NUP35: variants seen among roughly 807,000 people sequenced by gnomAD.
NUP35 encodes the protein nucleoporin 35.
Under a neutral mutation model 41.5 loss-of-function variants are expected in NUP35, and 25 were observed. The ratio of observed to expected loss-of-function variants is 0.60; its 90% CI spans 0.44 to 0.84. The LOEUF (loss-of-function observed/expected upper bound fraction) is 0.84. Among genes scored for constraint, NUP35 ranks in the 40% least tolerant of loss-of-function variants. The pLI is 0.00. For missense variants in NUP35, 396 were observed against 396.6 expected, an observed-to-expected ratio of 1.00 and a Z score of 0.01; for synonymous variants, 149 against 130.7, an observed-to-expected ratio of 1.14 and a Z score of -0.96.
intron 4 of NUP35, among the ~76,000 whole-genome samples, chr2:183,139,784 T>TA (rs1462537471): frequency 6.6e-6 from 1 of 152,210 alleles, no homozygotes; most frequent in African/African-American, 2.4e-5. Context: ...GATCCTTCCT[T>TA]AGAGTCTGCA....
chr2:183,158,202 ATG>A (rs2105620459), intron 6 of NUP35, 79 bp from the exon 7 acceptor site: 1 of 1,055,796 alleles, frequency 9.5e-7, no homozygotes, highest in African/African-American at 1.6e-5. Flanking sequence ...TTATCTTACC[ATG>A]TTCCTATTTT....
At chr2:183,140,822 C>CAAAAAA (rs34256493) in intron 4 of NUP35, among the ~76,000 whole-genome samples, 1 of 89,544 alleles carries the variant, frequency 1.1e-5, no homozygotes, top group African/African-American at 4.1e-5. Context: ...AAACTCCATT[C>CAAAAAA]AAAAAAAAAA....
At chr2:183,125,162 C>T (rs1243563455) in intron 1 of NUP35, among the ~76,000 whole-genome samples, 1 of 151,816 alleles carries the variant, frequency 6.6e-6, no homozygotes, top group African/African-American at 2.4e-5. Flanking sequence ...GTATTTTTCT[C>T]TAGTAAGTCA....
intron 5 of NUP35, among the ~76,000 whole-genome samples, chr2:183,154,343 GT>G (rs1685574672): frequency 6.6e-6 from 1 of 152,142 alleles, no homozygotes; most frequent in South Asian, 2.1e-4. Flanking sequence ...TTTCTACTGC[GT>G]TGTCAGGCTG....
chr2:183,141,393 A>C (rs1180588736), intron 4 of NUP35, among the ~76,000 whole-genome samples: 1 of 152,192 alleles, frequency 6.6e-6, no homozygotes, highest in Non-Finnish European at 1.5e-5. Flanking sequence ...GTTATCTTGG[A>C]GGGCTGTCAT....
chr2:183,157,210 A>T (rs1401702503), intron 5 of NUP35, among the ~76,000 whole-genome samples: 1 of 152,216 alleles, frequency 6.6e-6, no homozygotes, highest in African/African-American at 2.4e-5. Context: ...TTTCAGAGGT[A>T]GAATCTGAGG....
chr2:183,153,551 T>C (rs1437747029), intron 5 of NUP35, among the ~76,000 whole-genome samples: 1 of 152,138 alleles, frequency 6.6e-6, no homozygotes, highest in Non-Finnish European at 1.5e-5. Flanking sequence ...CAGTCAAATT[T>C]TAAAGCTCCA....
chr2:183,137,666 G>A (rs1684923567), intron 4 of NUP35, among the ~76,000 whole-genome samples: 1 of 152,046 alleles, frequency 6.6e-6, no homozygotes, highest in Admixed American at 6.6e-5. Context: ...GGTGGCACAT[G>A]CCTATAATTC....
intron 4 of NUP35, among the ~76,000 whole-genome samples, chr2:183,150,674 G>T (rs1424911686): frequency 1.3e-5 from 2 of 151,710 alleles, no homozygotes; most frequent in African/African-American, 4.8e-5. Flanking sequence ...TCTCTCTTTC[G>T]CTAGAATGTA....
intron 5 of NUP35, 134 bp downstream of exon 5, chr2:183,151,783 A>G: frequency 1.4e-6 from 1 of 722,402 alleles, no homozygotes; most frequent in East Asian, 2.7e-5. Context: ...TTCTATGGTT[A>G]ACAGTTTGCT....
rs1491487718 is a variant in NUP35, at chr2:183,130,406, T to TG, written c.212-11dup. 12 of 1,200,370 alleles carry TG rather than the reference T, an allele frequency of 1.0e-5. No individual in the cohort carries two copies. The highest frequency in any genetic ancestry group is 2.1e-5 in the South Asian group (1 of 47,476). The allele number at this position is 1,200,370 out of a possible 1,614,324, so 74.4% of individuals were successfully genotyped here. On this transcript the variant is annotated splice_polypyrimidine_tract_variant and intron_variant, in intron 2 of 8. Transcript: ENST00000295119. ...GAATCCCTTTTTTTTTTTTTTTTTT[T>TG]GTACACTGTAGGTGGGTCACCACCA...
intron 4 of NUP35, among the ~76,000 whole-genome samples, chr2:183,145,467 C>T (rs1559150802): frequency 6.6e-6 from 1 of 152,050 alleles, no homozygotes; most frequent in East Asian, 1.9e-4. Flanking sequence ...TCAGCCTATA[C>T]CTATTAAATG....
At chr2:183,153,211 T>G (rs1685530337) in intron 5 of NUP35, among the ~76,000 whole-genome samples, 1 of 152,180 alleles carries the variant, frequency 6.6e-6, no homozygotes, top group Admixed American at 6.5e-5. Context: ...TAATTTGAGT[T>G]GAGATGTGGG....
At chr2:183,150,409 CCTT>C (rs1685428415) in intron 4 of NUP35, among the ~76,000 whole-genome samples, 1 of 152,184 alleles carries the variant, frequency 6.6e-6, no homozygotes, top group Non-Finnish European at 1.5e-5. Context: ...CAAACAGTGG[CCTT>C]CTTGCGTTCA....
chr2:183,161,074 G>T lies in NUP35; in HGVS notation c.924G>T (p.Thr308=), dbSNP rs369952570. ...AATAGGTTATTTCTGACAGACAAAC[G>T]CCAAAAAAAGATGAAAGTCTTGTAT... ...SDYQVISDRQ[T]PKKDESLVSK... The change falls in exon 9 of 9, where the codon ACG becomes ACT. Residue 308 remains threonine, a synonymous_variant. Transcript: ENST00000295119. 1.3e-5 allele frequency: 21 copies of T among 1,611,696 alleles called. No homozygotes were observed. The highest frequency in any genetic ancestry group is 1.6e-5 in the Non-Finnish European group (19 of 1,178,600).
chr2:183,134,404 G>A (rs1412556022), intron 4 of NUP35, among the ~76,000 whole-genome samples: 1 of 152,132 alleles, frequency 6.6e-6, no homozygotes, highest in Non-Finnish European at 1.5e-5. Flanking sequence ...CAAAGGGGGG[G>A]AGGGGGTAGA....
chr2:183,118,011 G>T (rs4666888), intron 1 of NUP35, among the ~76,000 whole-genome samples: 8 of 151,972 alleles, frequency 5.3e-5, no homozygotes, highest in Admixed American at 1.3e-4. Flanking sequence ...TGGCAGTTTA[G>T]GGGGCAAGAA....
intron 3 of NUP35, among the ~76,000 whole-genome samples, chr2:183,132,782 G>A (rs1684743420): frequency 6.6e-6 from 1 of 152,142 alleles, no homozygotes; most frequent in African/African-American, 2.4e-5. Flanking sequence ...GCCCAAATTA[G>A]TTATGCCCCC....
intron 1 of NUP35, among the ~76,000 whole-genome samples, chr2:183,126,785 A>G (rs1294481200): frequency 2.0e-5 from 3 of 152,230 alleles, no homozygotes; most frequent in African/African-American, 7.2e-5. Flanking sequence ...AGTAATAGTT[A>G]ATAAAAAACC....
Sources: allele counts gnomAD v4.1 joint callset (sites outside exome capture counted in the v4.1 genomes callset), GRCh38; gene constraint gnomAD v4.1.1; transcripts MANE v1.5; gene names NCBI Gene and HGNC (gene_info 2026-07-23, HGNC 2026-07-21).